The following RABL3 variants were observed in gnomAD, a reference collection of about 807,000 sequenced individuals.
The protein encoded by RABL3 is RAB, member of RAS oncogene family like 3.
A neutral mutation model predicts 31.8 loss-of-function variants in RABL3; 31 were observed. The observed-to-expected ratio is 0.97, with a 90% CI of 0.73 to 1.31. RABL3 has a LOEUF of 1.31. Among genes scored for constraint, RABL3 ranks in the 40% most tolerant of loss-of-function variants. The pLI is 0.00. For missense variants in RABL3, 263 were observed against 279.6 expected (o/e 0.94, Z 0.42); for synonymous variants, 97 against 99.9 (o/e 0.97, Z 0.18).
rs188133377 is a variant in RABL3, at chr3:120,702,042, C to T, written c.384-3469G>A. On this transcript the variant is annotated intron_variant, in intron 4 of 7. Coordinates refer to ENST00000273375, the MANE Select transcript of RABL3 (RefSeq NM_173825.5). ...AACCCAAAAGTGTGAACAGAATACT[C>T]CAGAAGAAGGCCTATAGTTCTGGCT... Among the ~76,000 whole-genome samples, 47 of 152,266 alleles carry T rather than the reference C, an allele frequency of 3.1e-4. No homozygotes were observed. The East Asian group carries it at 4.8e-3, about 16-fold the overall frequency.
chr3:120,717,811 A>C (rs745982098), intron 2 of RABL3, among the ~76,000 whole-genome samples: 3 of 152,172 alleles, frequency 2.0e-5, no homozygotes, highest in Non-Finnish European at 4.4e-5. Context: ...TATTACTTCT[A>C]AAACTTGGTC....
At chr3:120,731,638 T>C (rs1190955237) in intron 1 of RABL3, among the ~76,000 whole-genome samples, 1 of 152,214 alleles carries the variant, frequency 6.6e-6, no homozygotes, top group African/African-American at 2.4e-5. Flanking sequence ...ACAAGCATGG[T>C]TGGTATCTTT....
intron 4 of RABL3, 35 bp from the exon 5 acceptor site, chr3:120,698,608 G>A (rs369223773): frequency 1.9e-6 from 3 of 1,546,568 alleles, no homozygotes; most frequent in African/African-American, 1.4e-5. Flanking sequence ...TGAATAGAAT[G>A]TATCTTTCTG....
At chr3:120,730,139 C>A (rs896567571) in intron 2 of RABL3, among the ~76,000 whole-genome samples, 2 of 152,152 alleles carry the variant, frequency 1.3e-5, no homozygotes, top group East Asian at 3.8e-4. Context: ...AACTACCTTG[C>A]CTTCCGTATG....
At chr3:120,700,476 A>G (rs751126606) in intron 4 of RABL3, among the ~76,000 whole-genome samples, 4 of 152,100 alleles carry the variant, frequency 2.6e-5, no homozygotes, top group Non-Finnish European at 5.9e-5. Context: ...AAAACAACCA[A>G]AAAGGGAGAA....
At chr3:120,723,633 G>A (rs1708777407) in intron 2 of RABL3, among the ~76,000 whole-genome samples, 1 of 152,190 alleles carries the variant, frequency 6.6e-6, no homozygotes, top group Admixed American at 6.5e-5. Context: ...GGGATGGAAG[G>A]CTGGTTCAAC....
chr3:120,699,478 A>T (rs904755659), intron 4 of RABL3, among the ~76,000 whole-genome samples: 3 of 152,230 alleles, frequency 2.0e-5, no homozygotes, highest in African/African-American at 7.2e-5. Context: ...CTACTCACAT[A>T]TTAGAAATAA....
intron 1 of RABL3, among the ~76,000 whole-genome samples, chr3:120,733,880 G>A (rs1017833055): frequency 3.3e-4 from 49 of 148,512 alleles, no homozygotes; most frequent in African/African-American, 1.1e-3. Context: ...GTGTAGATGT[G>A]TAGGGCTCTG....
chr3:120,702,394 C>T (rs370546150), intron 4 of RABL3, among the ~76,000 whole-genome samples: 24 of 152,128 alleles, frequency 1.6e-4, no homozygotes, highest in African/African-American at 5.8e-4. Flanking sequence ...AGGATTCACG[C>T]TCCTATGAGA....
intron 1 of RABL3, among the ~76,000 whole-genome samples, chr3:120,731,851 C>T (rs1318099524): frequency 6.6e-5 from 10 of 151,840 alleles, no homozygotes; most frequent in Non-Finnish European, 1.0e-4. Flanking sequence ...CAGGAGTTTG[C>T]GACCAGCCTG....
chr3:120,726,598 C>T (rs904917771), intron 2 of RABL3, among the ~76,000 whole-genome samples: 3 of 152,002 alleles, frequency 2.0e-5, no homozygotes, highest in Non-Finnish European at 2.9e-5. Context: ...AAAAAATTAG[C>T]CGGCCATGGT....
Position 120,686,053 on chromosome 3 carries a change from C to A in RABL3, c.*3770G>T, listed in dbSNP as rs571198968. On this transcript the variant is annotated 3_prime_UTR_variant, in exon 8 of 8. Transcript: ENST00000273375. ...ATGCTATGGAGCAGCCCCAGCTGACCCTAACATCAGATATTTTGTGTAGGC... is the reference window on the plus strand; with the variant it reads ...ATGCTATGGAGCAGCCCCAGCTGACACTAACATCAGATATTTTGTGTAGGC... 1.8e-4 allele frequency among the ~76,000 whole-genome samples: 27 copies of A among 152,234 alleles called. 2 individuals carry two copies. In the South Asian group the frequency reaches 5.6e-3, roughly 32 times the overall value.
intron 4 of RABL3, among the ~76,000 whole-genome samples, chr3:120,705,534 A>T (rs958718546): frequency 6.6e-6 from 1 of 152,204 alleles, no homozygotes; most frequent in African/African-American, 2.4e-5. Flanking sequence ...AAGCAATTCA[A>T]TGGAGAAAGG....
intron 1 of RABL3, among the ~76,000 whole-genome samples, chr3:120,742,231 A>G (rs1360422083): frequency 1.3e-5 from 2 of 151,776 alleles, no homozygotes; most frequent in Non-Finnish European, 2.9e-5. Context: ...CCGATGCGGA[A>G]AGCCGCGAAG....
At chr3:120,737,344 T>C (rs142302100) in intron 1 of RABL3, among the ~76,000 whole-genome samples, 47 of 152,364 alleles carry the variant, frequency 3.1e-4, no homozygotes, top group Non-Finnish European at 5.3e-4. Flanking sequence ...CATCATCACG[T>C]AGTTCTTGTG....
intron 1 of RABL3, among the ~76,000 whole-genome samples, chr3:120,731,113 CTT>C (rs10576070): frequency 0.2 from 29,906 of 152,130 alleles, 3,488 homozygotes; most frequent in East Asian, 0.36. Context: ...AGGGGTCTCA[CTT>C]TGAGAACCAC....
intron 2 of RABL3, among the ~76,000 whole-genome samples, chr3:120,716,939 C>T (rs73181943): frequency 0.021 from 3,261 of 152,260 alleles, 54 homozygotes; most frequent in Middle Eastern, 0.054. Context: ...TTATCACTCA[C>T]GCAGTGCATT....
intron 1 of RABL3, 36 bp downstream of exon 1, chr3:120,742,426 G>A: frequency 6.2e-7 from 1 of 1,606,814 alleles, no homozygotes; most frequent in Non-Finnish European, 8.5e-7. Flanking sequence ...TAACTCAAAA[G>A]TGTCTGGAGC....
intron 1 of RABL3, among the ~76,000 whole-genome samples, chr3:120,734,314 A>G (rs540516894): frequency 2.8e-4 from 42 of 152,278 alleles, no homozygotes; most frequent in African/African-American, 8.4e-4. Context: ...AGCAATTGTG[A>G]ATGGGGAGTT....
Sources: gnomAD v4.1 joint callset for allele counts (sites outside exome capture counted in the v4.1 genomes callset) on GRCh38, gnomAD v4.1.1 for gene constraint, MANE v1.5 for transcripts, NCBI Gene and HGNC (gene_info 2026-07-23, HGNC 2026-07-21) for gene names.